Variants in IFT140 observed in about 807,000 individuals in gnomAD.
The protein encoded by IFT140 is intraflagellar transport protein 140 homolog.
IFT140 carries 133 observed loss-of-function variants against 164.6 expected under a neutral mutation model. That is an observed-to-expected ratio of 0.81 (90% CI 0.70 to 0.93). The LOEUF is 0.93. IFT140 is among the 40% of genes least tolerant of loss of function. The pLI is 0.00. For synonymous variants in IFT140, 860 were observed against 817.3 expected (o/e 1.05, Z -0.89); for missense variants, 2,045 against 1,972.3 (o/e 1.04, Z -0.70).
intron 18 of IFT140, among the ~76,000 whole-genome samples, chr16:1,558,708 G>A (rs1325160693): frequency 1.3e-5 from 2 of 152,212 alleles, no homozygotes; most frequent in Non-Finnish European, 2.9e-5. Flanking sequence ...CTTCCTCCGT[G>A]GGGCAGGGGC....
chr16:1,556,280 T>A (rs776167985), intron 19 of IFT140, among the ~76,000 whole-genome samples: 2 of 152,170 alleles, frequency 1.3e-5, no homozygotes, highest in Non-Finnish European at 2.9e-5. Flanking sequence ...AACATCTACA[T>A]CTGAGGGGTC....
At chr16:1,554,013 C>A (rs1409740422) in intron 19 of IFT140, 1 of 1,287,214 alleles carries the variant, frequency 7.8e-7, no homozygotes, top group Admixed American at 2.3e-5. Context: ...TTGCTCACGG[C>A]CCACCTCTCC....
At chr16:1,547,508 T>C (rs149484796) in intron 19 of IFT140, among the ~76,000 whole-genome samples, 1 of 152,314 alleles carries the variant, frequency 6.6e-6, no homozygotes, top group Non-Finnish European at 1.5e-5. Flanking sequence ...TTTTTTGTTA[T>C]TTACAATAAC....
At chr16:1,560,132 C>T (rs907962415) in intron 18 of IFT140, among the ~76,000 whole-genome samples, 5 of 152,156 alleles carry the variant, frequency 3.3e-5, no homozygotes, top group African/African-American at 9.7e-5. Flanking sequence ...GCATGAAATT[C>T]GGAGGAACGC....
intron 2 of IFT140, 115 bp from the exon 3 acceptor site, chr16:1,607,412 G>T: frequency 1.1e-6 from 1 of 915,776 alleles, no homozygotes; most frequent in Non-Finnish European, 1.6e-6. Context: ...AAGACCATCG[G>T]CAACTTGAAA....
At chr16:1,590,539 C>G (rs1384943074) in intron 6 of IFT140, among the ~76,000 whole-genome samples, 1 of 152,202 alleles carries the variant, frequency 6.6e-6, no homozygotes, top group Non-Finnish European at 1.5e-5. Flanking sequence ...CCACAAGCTG[C>G]TCCTGGCCTA....
chr16:1,587,833 G>A (rs1213881860), intron 8 of IFT140, 100 bp downstream of exon 8: 1 of 887,650 alleles, frequency 1.1e-6, no homozygotes, highest in Admixed American at 2.5e-5. Context: ...AGCATCATAT[G>A]TGCATTTTAC....
At chr16:1,544,554 T>A (rs2141319554) in intron 19 of IFT140, among the ~76,000 whole-genome samples, 1 of 152,188 alleles carries the variant, frequency 6.6e-6, no homozygotes, top group African/African-American at 2.4e-5. Flanking sequence ...GGTCTCGAAC[T>A]CCTGATCTCA....
At chr16:1,552,954 A>G (rs890495930) in intron 19 of IFT140, 2 of 984,786 alleles carry the variant, frequency 2.0e-6, no homozygotes, top group African/African-American at 3.5e-5. Context: ...TGCCTTGTCT[A>G]GAATGTTATT....
rs909614381 is a variant in IFT140, at chr16:1,524,467, C to T, written c.3141+85G>A. The stretch of plus-strand genomic sequence containing the variant: ...CTGGCCGGACCACGTGTCACTGACA[C>T]GATTCTCTCTGTCCACTTTTCCACT... On this transcript the variant is annotated intron_variant, in intron 24 of 30. Coordinates refer to ENST00000426508, the MANE Select transcript of IFT140 (RefSeq NM_014714.4). The T allele has an allele frequency of 9.1e-6, 14 of 1,535,338 alleles. No individual in the cohort carries two copies. The African/African-American group carries it at 1.1e-4, about 12-fold the overall frequency.
At chr16:1,569,038 C>T (rs60226350) in intron 14 of IFT140, among the ~76,000 whole-genome samples, 3,545 of 149,728 alleles carry the variant, frequency 0.024, 151 homozygotes, top group African/African-American at 0.083. Flanking sequence ...GGAGTCTCGC[C>T]CTGTTGCCCA....
At chr16:1,520,498 G>C in intron 27 of IFT140, 104 bp downstream of exon 27, 1 of 1,380,858 alleles carries the variant, frequency 7.2e-7, no homozygotes, top group Non-Finnish European at 9.9e-7. Flanking sequence ...GAAAGGCTCA[G>C]CCCTAGCTTG....
intron 6 of IFT140, among the ~76,000 whole-genome samples, chr16:1,590,262 C>T (rs1405824394): frequency 6.6e-6 from 1 of 151,570 alleles, no homozygotes; most frequent in Non-Finnish European, 1.5e-5. Flanking sequence ...CAGGCTGCAA[C>T]CTCCACTTCA....
chr16:1,582,535 GCCA>G (rs1395919323), intron 12 of IFT140, among the ~76,000 whole-genome samples: 3 of 152,368 alleles, frequency 2.0e-5, no homozygotes, highest in Admixed American at 1.3e-4. Context: ...TTTGTCTGAA[GCCA>G]CCAAGTTTGT....
chr16:1,553,799 T>C lies in IFT140; in HGVS notation c.2399+4136A>G, dbSNP rs1215606470. The C allele has an allele frequency of 1.7e-6, 2 of 1,197,540 alleles. No individual in the cohort carries two copies. Among genetic ancestry groups the C allele is most frequent in the Non-Finnish European group, 2.1e-6 (2 of 946,470 alleles). 74.2% of individuals were successfully genotyped at this position (1,197,540 alleles called of 1,614,324 possible). ...AGCCTCTCCTCCATCCTAGAGCCTATGTTTCCAGCTGGATTAGGACGCCCG... is the reference window on the plus strand; with the variant it reads ...AGCCTCTCCTCCATCCTAGAGCCTACGTTTCCAGCTGGATTAGGACGCCCG... On this transcript the variant is annotated intron_variant, in intron 19 of 30. Coordinates refer to ENST00000426508, the MANE Select transcript of IFT140 (RefSeq NM_014714.4). The surrounding 1 kb of genome is among the most constrained non-coding windows in gnomAD (Gnocchi z 4.4).
chr16:1,589,272 C>A (rs2141877178), intron 7 of IFT140, among the ~76,000 whole-genome samples: 1 of 152,284 alleles, frequency 6.6e-6, no homozygotes, highest in East Asian at 1.9e-4. Flanking sequence ...CTGAGTTCTG[C>A]AGGTGGAATG....
rs775820696 is a variant in IFT140 at position 1,583,387 on chromosome 16, C to T, written c.1360-1G>A. The T allele has an allele frequency of 6.2e-7, 1 of 1,614,004 alleles. No homozygotes were observed. The highest frequency in any genetic ancestry group is 1.7e-5 in the Admixed American group (1 of 60,004). On this transcript the variant is annotated splice_acceptor_variant, in intron 11 of 30. Transcript: ENST00000426508. LOFTEE classifies it high-confidence loss of function. ...TTCCGTTCCAGACTGCGACAGCATCCTGAAAAGAACCACGGACATTCGAGG... is the reference window on the plus strand; with the variant it reads ...TTCCGTTCCAGACTGCGACAGCATCTTGAAAAGAACCACGGACATTCGAGG...
chr16:1,520,531 A>T, intron 27 of IFT140, 71 bp downstream of exon 27: 1 of 1,459,452 alleles, frequency 6.9e-7, no homozygotes, highest in Non-Finnish European at 9.3e-7. Flanking sequence ...AGGCAAATGG[A>T]GATGCGTGCA....
intron 4 of IFT140, among the ~76,000 whole-genome samples, chr16:1,599,567 T>G (rs1414788604): frequency 1.8e-4 from 5 of 27,360 alleles, no homozygotes; most frequent in Admixed American, 3.8e-4. Flanking sequence ...GTCCGGGAGG[T>G]GAGGGGCGCC....
Sources: allele counts gnomAD v4.1 joint callset (sites outside exome capture counted in the v4.1 genomes callset), GRCh38; gene constraint gnomAD v4.1.1; non-coding constraint Gnocchi (gnomAD v3.1); transcripts MANE v1.5; gene names NCBI Gene and HGNC (gene_info 2026-07-23, HGNC 2026-07-21).